Variants in BMPER observed in about 807,000 individuals in gnomAD.
BMPER encodes the protein BMP-binding endothelial regulator protein.
Under a neutral mutation model 87.3 loss-of-function variants are expected in BMPER, and 45 were observed. The ratio of observed to expected loss-of-function variants is 0.52; its 90% confidence interval spans 0.41 to 0.66. BMPER has a LOEUF of 0.66. Among genes scored for constraint, BMPER ranks in the 30% least tolerant of loss-of-function variants. The pLI, the probability that BMPER is intolerant of heterozygous loss-of-function variation, is 0.00. For missense variants in BMPER, 784 were observed against 867.5 expected, an observed-to-expected ratio of 0.90 and a Z score of 1.21; for synonymous variants, 326 against 316.2, an observed-to-expected ratio of 1.03 and a Z score of -0.33.
At chr7:33,991,891 G>C (rs1201719385) in intron 6 of BMPER, among the ~76,000 whole-genome samples, 2 of 141,550 alleles carry the variant, frequency 1.4e-5, no homozygotes, top group African/African-American at 2.7e-5. Context: ...AGTCATTCAG[G>C]AGCAGGTTGT....
chr7:33,904,972 G>C (rs114417992), upstream of BMPER: 7,935 of 153,590 alleles, frequency 0.052, 355 homozygotes, highest in East Asian at 0.12. The surrounding 1 kb of genome is among the most constrained non-coding windows in gnomAD (Gnocchi z 5.4). Flanking sequence ...CCTCCCTGGA[G>C]GGGCTGGGGA....
chr7:34,075,695 A>G (rs967952893), intron 11 of BMPER, among the ~76,000 whole-genome samples: 2 of 152,184 alleles, frequency 1.3e-5, no homozygotes, highest in Non-Finnish European at 2.9e-5. Flanking sequence ...GTGTGACTGG[A>G]CATCTGGACG....
rs1791295859 is a variant in BMPER, at chr7:34,156,084, A to G, written c.*2811A>G. Among the ~76,000 whole-genome samples, 1 of 152,178 alleles carries G rather than the reference A, an allele frequency of 6.6e-6. No homozygotes were observed. Among genetic ancestry groups the G allele is most frequent in the African/African-American group, 2.4e-5 (1 of 41,446 alleles). ...ATTTTTGTTAAAACTGTGGTACACT[A>G]AGAATCACTAACTCTTCAGGTTGAA... On this transcript the variant is annotated 3_prime_UTR_variant, in exon 15 of 15. Transcript: ENST00000649409.
At chr7:34,049,597 G>T (rs534844340) in intron 7 of BMPER, among the ~76,000 whole-genome samples, 1 of 152,268 alleles carries the variant, frequency 6.6e-6, no homozygotes, top group East Asian at 1.9e-4. Flanking sequence ...CATGAAGAAG[G>T]TGCATTTTGA....
chr7:33,915,390 G>A (rs1029933910), intron 2 of BMPER, among the ~76,000 whole-genome samples: 1 of 152,088 alleles, frequency 6.6e-6, no homozygotes, highest in African/African-American at 2.4e-5. Flanking sequence ...AAAATATTAC[G>A]ATATAATTTA....
intron 14 of BMPER, among the ~76,000 whole-genome samples, chr7:34,149,576 G>A (rs191305587): frequency 4.3e-4 from 65 of 152,168 alleles, no homozygotes; most frequent in South Asian, 2.1e-3. Context: ...AAACAATGTC[G>A]GGGGGAGATT....
chr7:34,087,004 G>C (rs2127977558), intron 13 of BMPER, among the ~76,000 whole-genome samples: 1 of 152,240 alleles, frequency 6.6e-6, no homozygotes, highest in East Asian at 1.9e-4. Context: ...GCCACAGAGA[G>C]GTTATTTTTA....
chr7:33,942,763 G>A (rs1463823978), intron 3 of BMPER, among the ~76,000 whole-genome samples: 1 of 152,132 alleles, frequency 6.6e-6, no homozygotes, highest in South Asian at 2.1e-4. Context: ...TGTAGTGGGA[G>A]GCCATGTTTT....
intron 6 of BMPER, among the ~76,000 whole-genome samples, chr7:33,980,227 C>T (rs1785814322): frequency 6.6e-6 from 1 of 152,188 alleles, no homozygotes. Flanking sequence ...TCTTCAGAGT[C>T]CCGATATTCA....
intron 11 of BMPER, chr7:34,067,097 A>G (rs1481118693): frequency 6.6e-6 from 1 of 152,206 alleles, no homozygotes; most frequent in Non-Finnish European, 1.5e-5. Context: ...AATTGAAATA[A>G]CCTCAACTAC....
At position 34,101,346 on chromosome 7, in the gene BMPER, G is replaced by A. The variant is rs919514561; in HGVS notation, c.1745+15254G>A. ...AAGGCACACCAGTCTCAGGTGTACG[G>A]CACCCCTCATTTCTGCAAAAGGCAT... On this transcript the variant is annotated intron_variant, in intron 13 of 14. Transcript: ENST00000649409. Among the ~76,000 whole-genome samples, 3 of 152,180 alleles carry A rather than the reference G, an allele frequency of 2.0e-5. No homozygotes were observed. The East Asian group carries it at 5.8e-4, about 29-fold the overall frequency.
chr7:33,985,020 T>C (rs568661983), intron 6 of BMPER, among the ~76,000 whole-genome samples: 3 of 152,342 alleles, frequency 2.0e-5, no homozygotes, highest in African/African-American at 7.2e-5. Flanking sequence ...TGTTACACAC[T>C]ATGTTAGGCC....
At chr7:34,097,261 C>T (rs1487835059) in intron 13 of BMPER, among the ~76,000 whole-genome samples, 3 of 152,156 alleles carry the variant, frequency 2.0e-5, no homozygotes, top group African/African-American at 7.2e-5. Flanking sequence ...GCCATGGAGG[C>T]TAGGGAGAGC....
intron 6 of BMPER, among the ~76,000 whole-genome samples, chr7:34,014,308 G>C (rs991703914): frequency 6.6e-6 from 1 of 151,904 alleles, no homozygotes; most frequent in Non-Finnish European, 1.5e-5. Flanking sequence ...TTTGACAGTG[G>C]GTCAGTGAGG....
chr7:34,071,592 A>G (rs1788738623), intron 11 of BMPER, among the ~76,000 whole-genome samples: 1 of 152,206 alleles, frequency 6.6e-6, no homozygotes, highest in East Asian at 1.9e-4. Context: ...ATAAATAAAA[A>G]CTTCTGGTTT....
chr7:34,024,381 A>ACT (rs1787289980), intron 6 of BMPER, among the ~76,000 whole-genome samples: 1 of 65,950 alleles, frequency 1.5e-5, no homozygotes, highest in African/African-American at 8.1e-5. Context: ...AAAAAAAAAA[A>ACT]ACAATATATA....
chr7:34,062,044 G>A lies in BMPER; in HGVS notation c.1075G>A (p.Glu359Lys). The change falls in exon 11 of 15, where the codon GAA (glutamate) becomes AAA (lysine). Residue 359 changes from glutamate (E) to lysine (K), a missense_variant. Physicochemically the swap from Glu to Lys is moderately conservative, Grantham distance 56. Transcript: ENST00000649409. ...NRKGCCPICT[E>K]KPGVCTVFGD... The stretch of plus-strand genomic sequence containing the variant: ...AAAAGGATGCTGTCCTATTTGCACT[G>A]AAAGTAAGTTTATTCCTTTGAAAAT... 1.9e-6 allele frequency: 3 copies of A among 1,610,456 alleles called. No homozygotes were observed. The South Asian group carries it at 3.3e-5, about 18-fold the overall frequency.
At chr7:34,063,389 G>T (rs1291564172) in intron 11 of BMPER, among the ~76,000 whole-genome samples, 1 of 130,768 alleles carries the variant, frequency 7.6e-6, no homozygotes, top group Non-Finnish European at 1.6e-5. Context: ...ATGTGTGTGT[G>T]TGTGTGTGTG....
chr7:33,918,570 GT>G (rs1310994919), intron 2 of BMPER, among the ~76,000 whole-genome samples: 3 of 152,014 alleles, frequency 2.0e-5, no homozygotes, highest in East Asian at 3.9e-4. Context: ...ACATAGCAGT[GT>G]TTTTTTTGGT....
Sources: allele counts gnomAD v4.1 joint callset (sites outside exome capture counted in the v4.1 genomes callset), GRCh38; gene constraint gnomAD v4.1.1; non-coding constraint Gnocchi (gnomAD v3.1); transcripts MANE v1.5; gene names NCBI Gene and HGNC (gene_info 2026-07-23, HGNC 2026-07-21).